C8orf34: variants seen among roughly 807,000 people sequenced by gnomAD.
C8orf34 encodes chromosome 8 open reading frame 34.
Under a neutral mutation model 68.3 loss-of-function variants are expected in C8orf34, and 65 were observed. The ratio of observed to expected loss-of-function variants is 0.95; its 90% CI spans 0.78 to 1.17. The LOEUF (loss-of-function observed/expected upper bound fraction) is 1.17, where lower values mean the gene tolerates loss of function less well. C8orf34 is among the 50% of genes most tolerant of loss of function. C8orf34 has a pLI of 0.00. For synonymous variants in C8orf34, 244 were observed against 241.2 expected, an observed-to-expected ratio of 1.01 and a Z score of -0.11; for missense variants, 664 against 655.4, an observed-to-expected ratio of 1.01 and a Z score of -0.14.
intron 7 of C8orf34, among the ~76,000 whole-genome samples, chr8:68,615,411 A>G (rs1440546123): frequency 1.3e-5 from 2 of 151,692 alleles, no homozygotes; most frequent in African/African-American, 4.9e-5. Context: ...ATTCAGTATG[A>G]TATTGGCTGT....
chr8:68,503,500 G>A (rs1813867254), intron 5 of C8orf34, among the ~76,000 whole-genome samples: 3 of 152,000 alleles, frequency 2.0e-5, no homozygotes, highest in Non-Finnish European at 4.4e-5. Context: ...TTTTGTATTT[G>A]TATGAACATT....
intron 7 of C8orf34, among the ~76,000 whole-genome samples, chr8:68,625,082 A>C (rs1300945801): frequency 1.3e-5 from 2 of 152,186 alleles, no homozygotes; most frequent in Non-Finnish European, 2.9e-5. Context: ...TTGCTCTCTT[A>C]CATAAAATAG....
chr8:68,472,197 C>G (rs1447915738), intron 4 of C8orf34, among the ~76,000 whole-genome samples: 1 of 152,096 alleles, frequency 6.6e-6, no homozygotes, highest in Non-Finnish European at 1.5e-5. Flanking sequence ...ATAGTCATGA[C>G]GAAGTAGGCA....
At chr8:68,781,559 A>T (rs1361622768) in intron 11 of C8orf34, among the ~76,000 whole-genome samples, 1 of 152,228 alleles carries the variant, frequency 6.6e-6, no homozygotes, top group Non-Finnish European at 1.5e-5. Flanking sequence ...GTTGGCAAAG[A>T]GGGACACGTC....
intron 7 of C8orf34, among the ~76,000 whole-genome samples, chr8:68,627,724 C>T (rs1286219607): frequency 6.6e-6 from 1 of 152,110 alleles, no homozygotes; most frequent in Non-Finnish European, 1.5e-5. Flanking sequence ...CTTTATTTTT[C>T]TAACAGAAGA....
At chr8:68,683,311 C>G (rs996050458) in intron 8 of C8orf34, among the ~76,000 whole-genome samples, 1 of 151,442 alleles carries the variant, frequency 6.6e-6, no homozygotes, top group Non-Finnish European at 1.5e-5. Flanking sequence ...CAGTCTTGCT[C>G]ACTGTTAAAG....
chr8:68,720,527 C>T (rs937911537), intron 9 of C8orf34, among the ~76,000 whole-genome samples: 9 of 151,770 alleles, frequency 5.9e-5, no homozygotes, highest in Non-Finnish European at 1.3e-4. Flanking sequence ...ATATGACTCC[C>T]TCAAGTATTA....
At position 68,474,637 on chromosome 8, in the gene C8orf34, G is replaced by A. The variant is rs191288040; in HGVS notation, c.736+5817G>A. Among the ~76,000 whole-genome samples, 11 of 152,188 alleles carry A rather than the reference G, an allele frequency of 7.2e-5. 1 individual carries two copies. Among genetic ancestry groups the A allele is most frequent in the Admixed American group, 4.6e-4 (7 of 15,262 alleles). On this transcript the variant is annotated intron_variant, in intron 4 of 13. Coordinates refer to ENST00000518698, the MANE Select transcript of C8orf34 (RefSeq NM_052958.4). Reference sequence around the variant, plus strand: ...CAAAATCTCTGTGGCTTGATACAACGTCAATATATTCTCACTCAGCGAATA... The same window carrying A: ...CAAAATCTCTGTGGCTTGATACAACATCAATATATTCTCACTCAGCGAATA...
chr8:68,665,565 C>T (rs1236193802), intron 8 of C8orf34, among the ~76,000 whole-genome samples: 2 of 152,152 alleles, frequency 1.3e-5, no homozygotes, highest in South Asian at 2.1e-4. Flanking sequence ...TACATCATTT[C>T]GTACCATTCT....
Position 68,815,932 on chromosome 8 carries a change from G to C in C8orf34, c.1596G>C (p.Thr532=), listed in dbSNP as rs61743022. 1 of 1,613,622 alleles carries C rather than the reference G, an allele frequency of 6.2e-7. No individual in the cohort carries two copies. The highest frequency in any genetic ancestry group is 8.5e-7 in the Non-Finnish European group (1 of 1,179,734). The change falls in exon 13 of 14, where the codon ACG becomes ACC. Residue 532 remains threonine (T), a synonymous_variant. Coordinates refer to ENST00000518698, the MANE Select transcript of C8orf34 (RefSeq NM_052958.4). Reference sequence around the variant, plus strand: ...GCGTTCCATGCTCTTCTTGTCCTACGCTGGTCTACTCTGGTATGTTTGCTC... The same window carrying C: ...GCGTTCCATGCTCTTCTTGTCCTACCCTGGTCTACTCTGGTATGTTTGCTC... ...LLCVPCSSCP[T]LVYSGL is the part of the protein sequence containing the mutation.
At position 68,818,253 on chromosome 8, in the gene C8orf34, G is replaced by C. The variant is rs16935109; in HGVS notation, c.*7G>C. 230,894 of 1,607,608 alleles carry C rather than the reference G, an allele frequency of 0.14. 20,347 individuals are homozygous for C. Among genetic ancestry groups the C allele is most frequent in the East Asian group, 0.44 (19,532 of 44,704 alleles). ...CTCCTCTGCAGGTTTGTGAAACAGA[G>C]AGAAGAAGTTGCAAGTGGTCCTTAA... On this transcript the variant is annotated 3_prime_UTR_variant, in exon 14 of 14. Transcript: ENST00000518698.
At chr8:68,505,449 G>GACTGGCTGAGAATCAGGCAAGGGA (rs1261007912) in intron 5 of C8orf34, among the ~76,000 whole-genome samples, 5 of 139,060 alleles carry the variant, frequency 3.6e-5, no homozygotes, top group South Asian at 2.1e-4. Context: ...TGAGCAACAT[G>GACTGGCTGAGAATCAGGCAAGGGA]GGCCGGGCGC....
intron 11 of C8orf34, among the ~76,000 whole-genome samples, chr8:68,784,886 T>C (rs1823802332): frequency 6.6e-6 from 1 of 152,072 alleles, no homozygotes; most frequent in African/African-American, 2.4e-5. Context: ...CTTGTACATT[T>C]CCTCCCTCAG....
intron 7 of C8orf34, among the ~76,000 whole-genome samples, chr8:68,601,168 G>A (rs766733226): frequency 2.0e-5 from 3 of 152,030 alleles, no homozygotes; most frequent in Non-Finnish European, 4.4e-5. Flanking sequence ...CCTCTTTCAT[G>A]TGGTGCTTTC....
chr8:68,424,704 T>C (rs368283001), intron 1 of C8orf34, among the ~76,000 whole-genome samples: 159 of 152,154 alleles, frequency 1.0e-3, no homozygotes, highest in African/African-American at 3.4e-3. Flanking sequence ...ATCTGGAACA[T>C]CCTGGCTAAC....
chr8:68,699,229 T>C (rs566136246), intron 8 of C8orf34, among the ~76,000 whole-genome samples: 120 of 150,542 alleles, frequency 8.0e-4, no homozygotes, highest in African/African-American at 2.9e-3. Context: ...TTTAGATTGG[T>C]TTTTTAAAAG....
At chr8:68,409,534 A>G (rs879379789) in intron 1 of C8orf34, among the ~76,000 whole-genome samples, 4 of 152,226 alleles carry the variant, frequency 2.6e-5, no homozygotes, top group African/African-American at 4.8e-5. Context: ...CAGCTCTACA[A>G]TCTGTTTCTA....
At chr8:68,712,702 A>C (rs1035322094) in intron 9 of C8orf34, among the ~76,000 whole-genome samples, 2 of 152,112 alleles carry the variant, frequency 1.3e-5, no homozygotes, top group Non-Finnish European at 2.9e-5. Flanking sequence ...AACAGTTACC[A>C]CTAGATCTAA....
rs117052522 is a variant in C8orf34, at chr8:68,459,597, C to T, written c.608-9095C>T. 2.9e-3 allele frequency among the ~76,000 whole-genome samples: 436 copies of T among 152,222 alleles called. 2 individuals carry two copies. The highest frequency in any genetic ancestry group is 7.5e-3 in the African/African-American group (312 of 41,534). The stretch of plus-strand genomic sequence containing the variant: ...AGTACAGCAACTATGGAGAACAGTA[C>T]GGAGATTTCTCAAAAAACTTAAAAT... On this transcript the variant is annotated intron_variant, in intron 3 of 13. Transcript: ENST00000518698.
Sources: gnomAD v4.1 joint callset for allele counts (sites outside exome capture counted in the v4.1 genomes callset) on GRCh38, gnomAD v4.1.1 for gene constraint, MANE v1.5 for transcripts, NCBI Gene and HGNC (gene_info 2026-07-23, HGNC 2026-07-21) for gene names.